PHLDB2: variants seen among roughly 807,000 people sequenced by gnomAD.
PHLDB2 encodes the protein pleckstrin homology-like domain family B member 2.
A neutral mutation model predicts 123.6 loss-of-function variants in PHLDB2; 71 were observed. The observed-to-expected ratio is 0.57, with a 90% CI of 0.47 to 0.70. The LOEUF is 0.70. Among genes scored for constraint, PHLDB2 ranks in the 30% least tolerant of loss-of-function variants. The probability of loss-of-function intolerance (pLI) is 0.00; values close to 1 mark genes in which losing one functional copy is unlikely to be tolerated. For missense variants in PHLDB2, 1,446 were observed against 1,519.5 expected (o/e 0.95, Z 0.80); for synonymous variants, 547 against 541.6 (o/e 1.01, Z -0.14).
chr3:111,952,784 A>C, intron 11 of PHLDB2, 72 bp downstream of exon 11: 2 of 1,515,520 alleles, frequency 1.3e-6, no homozygotes, highest in Non-Finnish European at 8.9e-7. Flanking sequence ...TGATGTGTAA[A>C]GGCCTTTAAA....
chr3:111,774,885 C>T (rs769834681), intron 1 of PHLDB2, among the ~76,000 whole-genome samples: 3 of 152,074 alleles, frequency 2.0e-5, no homozygotes, highest in Non-Finnish European at 4.4e-5. Flanking sequence ...AAACCCAAGA[C>T]AATGTCGGGG....
chr3:111,818,147 G>T (rs2062185371), intron 1 of PHLDB2, among the ~76,000 whole-genome samples: 2 of 146,768 alleles, frequency 1.4e-5, no homozygotes, highest in Admixed American at 6.9e-5. Context: ...TGCTTAAAAA[G>T]AAATTTTTTA....
At chr3:111,809,857 A>G (rs533962655) in intron 1 of PHLDB2, among the ~76,000 whole-genome samples, 1 of 152,218 alleles carries the variant, frequency 6.6e-6, no homozygotes, top group Non-Finnish European at 1.5e-5. Context: ...CCTCAAGCAT[A>G]TAATAGAGTA....
chr3:111,877,123 T>G (rs1273833884), intron 1 of PHLDB2, among the ~76,000 whole-genome samples: 7 of 152,266 alleles, frequency 4.6e-5, no homozygotes, highest in Admixed American at 4.6e-4. Flanking sequence ...TTTCTAGTTC[T>G]AGATCCCTGA....
chr3:111,864,566 T>G (rs2064978903), intron 1 of PHLDB2, among the ~76,000 whole-genome samples: 1 of 152,198 alleles, frequency 6.6e-6, no homozygotes. Flanking sequence ...GCAAGATAGT[T>G]GTCTATAGCA....
chr3:111,813,348 A>AT (rs142891688), intron 1 of PHLDB2, among the ~76,000 whole-genome samples: 2 of 151,984 alleles, frequency 1.3e-5, no homozygotes, highest in African/African-American at 2.4e-5. Context: ...AGGCTTAGAT[A>AT]TTTTTTTTAA....
At chr3:111,786,998 C>T (rs1380804568) in intron 1 of PHLDB2, among the ~76,000 whole-genome samples, 1 of 152,058 alleles carries the variant, frequency 6.6e-6, no homozygotes. Flanking sequence ...AGTTTAAGAA[C>T]TTATTTTGCA....
intron 1 of PHLDB2, among the ~76,000 whole-genome samples, chr3:111,760,189 A>C (rs909710260): frequency 1.3e-5 from 2 of 152,260 alleles, no homozygotes; most frequent in African/African-American, 4.8e-5. Flanking sequence ...ACAATGAATT[A>C]AAGTTAAGAC....
At chr3:111,891,235 T>A (rs1474687352) in intron 2 of PHLDB2, among the ~76,000 whole-genome samples, 1 of 152,200 alleles carries the variant, frequency 6.6e-6, no homozygotes, top group East Asian at 1.9e-4. Flanking sequence ...CAGTAGCGTT[T>A]GTGGCCTGTT....
Position 111,776,423 on chromosome 3 carries a change from A to G in PHLDB2, c.-49+43720A>G, listed in dbSNP as rs1006357105. Among the ~76,000 whole-genome samples, 8 of 152,106 alleles carry G rather than the reference A, an allele frequency of 5.3e-5. No homozygotes were observed. The South Asian group carries it at 1.7e-3, about 31-fold the overall frequency. On this transcript the variant is annotated intron_variant, in intron 1 of 17. Coordinates refer to the PHLDB2 transcript ENST00000393923. ...AAGTATTTATAATTTATGGGATTTG[A>G]TATCTATTTTAAATCAAATATTAAT...
intron 1 of PHLDB2, among the ~76,000 whole-genome samples, chr3:111,790,705 G>A (rs2060883298): frequency 6.6e-6 from 1 of 152,156 alleles, no homozygotes; most frequent in Non-Finnish European, 1.5e-5. Context: ...GACATAAAAT[G>A]AAGACAATCA....
chr3:111,878,688 T>A (rs1050539341), intron 1 of PHLDB2, among the ~76,000 whole-genome samples: 9 of 152,314 alleles, frequency 5.9e-5, no homozygotes, highest in Admixed American at 3.9e-4. Flanking sequence ...GGCTGTGGGT[T>A]TGTTATAAAT....
At chr3:111,921,752 G>T (rs1485947663) in intron 5 of PHLDB2, among the ~76,000 whole-genome samples, 1 of 151,980 alleles carries the variant, frequency 6.6e-6, no homozygotes, top group African/African-American at 2.4e-5. Context: ...ACAGGCACCC[G>T]CCACCACACC....
At chr3:111,910,597 C>A (rs1299378841) in intron 2 of PHLDB2, among the ~76,000 whole-genome samples, 1 of 152,196 alleles carries the variant, frequency 6.6e-6, no homozygotes, top group Non-Finnish European at 1.5e-5. Flanking sequence ...ATTAACAGTG[C>A]CCTCTTTGAT....
chr3:111,967,666 C>T lies in PHLDB2; in HGVS notation c.3169-12C>T, dbSNP rs2071868141. Reference sequence around the variant, plus strand: ...ATGTTTTAAAATAATCATTGTTATGCATAATGTTTAGGAACGGGAAATGGA... The same window carrying T: ...ATGTTTTAAAATAATCATTGTTATGTATAATGTTTAGGAACGGGAAATGGA... On this transcript the variant is annotated splice_polypyrimidine_tract_variant and intron_variant, in intron 14 of 17. Transcript: ENST00000431670. 6.7e-7 allele frequency: 1 copy of T among 1,491,792 alleles called. No individual in the cohort carries two copies. The allele number at this position is 1,491,792 out of a possible 1,614,324, so 92.4% of individuals were successfully genotyped here.
intron 1 of PHLDB2, among the ~76,000 whole-genome samples, chr3:111,837,470 A>G (rs1167313107): frequency 1.3e-5 from 2 of 152,150 alleles, no homozygotes; most frequent in African/African-American, 2.4e-5. Context: ...TGTTGTGTCA[A>G]AAAAAGTGTG....
chr3:111,780,321 GGAAGAAGAA>G (rs776116547), intron 1 of PHLDB2, among the ~76,000 whole-genome samples: 17 of 3,678 alleles, frequency 4.6e-3, no homozygotes, highest in African/African-American at 8.3e-3. Context: ...AAGAGGAAGA[GGAAGAAGAA>G]GAAGAAGAAG....
At chr3:111,819,855 A>C (rs1251060086) in intron 1 of PHLDB2, among the ~76,000 whole-genome samples, 1 of 152,220 alleles carries the variant, frequency 6.6e-6, no homozygotes, top group African/African-American at 2.4e-5. Flanking sequence ...AATTGTCAAG[A>C]TGCATCCACA....
Position 111,918,993 on chromosome 3 carries a change from T to A in PHLDB2, c.1720-79T>A, listed in dbSNP as rs2107525466. On this transcript the variant is annotated intron_variant, in intron 3 of 17. Coordinates refer to ENST00000431670, the MANE Select transcript of PHLDB2 (RefSeq NM_001134438.2). ...CATGGAGACTGTGAGACCCTAGACCTGTGGATGGTTTACAAGTCAAGTTGG... is the reference window on the plus strand; with the variant it reads ...CATGGAGACTGTGAGACCCTAGACCAGTGGATGGTTTACAAGTCAAGTTGG... 2.1e-6 allele frequency: 3 copies of A among 1,456,208 alleles called. No homozygotes were observed. In the East Asian group the frequency reaches 6.8e-5, roughly 33 times the overall value. The allele number at this position is 1,456,208 out of a possible 1,614,324, so 90.2% of individuals were successfully genotyped here. A position where few individuals can be genotyped will look rare whatever the true frequency, so the allele number is the denominator to read the frequency against.
Sources: gnomAD v4.1 joint callset for allele counts (sites outside exome capture counted in the v4.1 genomes callset) on GRCh38, gnomAD v4.1.1 for gene constraint, MANE v1.5 for transcripts, NCBI Gene and HGNC (gene_info 2026-07-23, HGNC 2026-07-21) for gene names.